Variants in SEPTIN10 observed in about 807,000 individuals in gnomAD.
The protein encoded by SEPTIN10 is septin 10.
Under a neutral mutation model 54.8 loss-of-function variants are expected in SEPTIN10, and 66 were observed. The ratio of observed to expected loss-of-function variants is 1.21; its 90% CI spans 0.99 to 1.48. SEPTIN10 has a LOEUF of 1.48. Among genes scored for constraint, SEPTIN10 ranks in the 40% most tolerant of loss-of-function variants. The probability of loss-of-function intolerance (pLI) is 0.00; values close to 1 mark genes in which losing one functional copy is unlikely to be tolerated. For missense variants in SEPTIN10, 620 were observed against 545.6 expected (o/e 1.14, Z -1.36); for synonymous variants, 161 against 181.0 (o/e 0.89, Z 0.89).
intron 5 of SEPTIN10, 138 bp downstream of exon 5, chr2:109,574,443 T>TAAAAAAA (rs55980206): frequency 7.4e-6 from 2 of 271,396 alleles, no homozygotes; most frequent in African/African-American, 3.0e-5. Context: ...ACTTTATCTC[T>TAAAAAAA]AAAAAAAAAA....
intron 8 of SEPTIN10, among the ~76,000 whole-genome samples, chr2:109,553,546 A>G (rs887291998): frequency 7.6e-5 from 11 of 144,950 alleles, no homozygotes; most frequent in Admixed American, 6.9e-4. Context: ...TCTGTCTCCA[A>G]AAAAAAAAAA....
At chr2:109,552,982 CA>C in intron 9 of SEPTIN10, 104 bp downstream of exon 9, 1 of 1,269,548 alleles carries the variant, frequency 7.9e-7, no homozygotes, top group East Asian at 2.4e-5. Flanking sequence ...CTTTAAAGAA[CA>C]AGTAGCCTAC....
chr2:109,570,408 C>G (rs1688069330), intron 5 of SEPTIN10, among the ~76,000 whole-genome samples: 1 of 152,058 alleles, frequency 6.6e-6, no homozygotes, highest in Non-Finnish European at 1.5e-5. Flanking sequence ...CAGATTCAAC[C>G]AACTGAGGAT....
intron 1 of SEPTIN10, among the ~76,000 whole-genome samples, chr2:109,598,276 T>A (rs1695751029): frequency 6.6e-6 from 1 of 151,832 alleles, no homozygotes; most frequent in Non-Finnish European, 1.5e-5. Context: ...CCACGTTGGT[T>A]AGGCTAGTCT....
At chr2:109,600,167 G>C (rs2106133199) in intron 1 of SEPTIN10, among the ~76,000 whole-genome samples, 1 of 152,298 alleles carries the variant, frequency 6.6e-6, no homozygotes, top group East Asian at 1.9e-4. Flanking sequence ...GATCCACACG[G>C]TTCTGCAGCT....
chr2:109,568,207 A>G (rs1687538047), intron 5 of SEPTIN10, among the ~76,000 whole-genome samples: 1 of 152,074 alleles, frequency 6.6e-6, no homozygotes, highest in Non-Finnish European at 1.5e-5. Context: ...ACACTACAAC[A>G]GCAGAGATGA....
At chr2:109,563,367 C>G (rs1183254556) in intron 8 of SEPTIN10, among the ~76,000 whole-genome samples, 1 of 152,184 alleles carries the variant, frequency 6.6e-6, no homozygotes, top group East Asian at 1.9e-4. Context: ...CACTCCTCCC[C>G]CTTTCTTTTG....
chr2:109,613,961 G>T lies in SEPTIN10; in HGVS notation c.-134C>A. On this transcript the variant is annotated 5_prime_UTR_variant, in exon 1 of 11. Coordinates refer to ENST00000397712, the MANE Select transcript of SEPTIN10 (RefSeq NM_144710.5). ...GAGGCTAGGCTGCCTCCGCGACGGG[G>T]AAGGGACAGGGGCGGGGCCGAGCTG... The T allele has an allele frequency of 1.7e-6, 2 of 1,160,200 alleles. No homozygotes were observed. Among genetic ancestry groups the T allele is most frequent in the Non-Finnish European group, 2.1e-6 (2 of 942,328 alleles). 71.9% of individuals were successfully genotyped at this position (1,160,200 alleles called of 1,614,324 possible).
chr2:109,552,803 G>A (rs1683317023), intron 9 of SEPTIN10: 3 of 291,426 alleles, frequency 1.0e-5, no homozygotes, highest in South Asian at 1.3e-4. Flanking sequence ...AGAAAAATGT[G>A]TGCACCCAAG....
intron 1 of SEPTIN10, among the ~76,000 whole-genome samples, chr2:109,599,868 T>G (rs1044233997): frequency 1.3e-5 from 2 of 152,216 alleles, no homozygotes; most frequent in Non-Finnish European, 2.9e-5. Flanking sequence ...CATTTCTAAT[T>G]TGTGCTGTTT....
At chr2:109,587,445 G>A (rs563804333) in intron 2 of SEPTIN10, among the ~76,000 whole-genome samples, 3 of 152,158 alleles carry the variant, frequency 2.0e-5, no homozygotes, top group African/African-American at 7.2e-5. Flanking sequence ...GAGAGAAGGT[G>A]AAAGTGGGGG....
At chr2:109,596,033 ATATT>A (rs1267294864) in intron 1 of SEPTIN10, among the ~76,000 whole-genome samples, 4 of 152,122 alleles carry the variant, frequency 2.6e-5, no homozygotes, top group Admixed American at 2.0e-4. Context: ...TTTAAGTTTA[ATATT>A]TATTTTATTT....
At chr2:109,551,031 G>T (rs1162835110) in intron 9 of SEPTIN10, among the ~76,000 whole-genome samples, 2 of 152,150 alleles carry the variant, frequency 1.3e-5, no homozygotes, top group African/African-American at 4.8e-5. Flanking sequence ...TCTTAAAGTG[G>T]GGAGGGTATA....
At chr2:109,603,422 G>A (rs1211307271) in intron 1 of SEPTIN10, among the ~76,000 whole-genome samples, 1 of 152,000 alleles carries the variant, frequency 6.6e-6, no homozygotes, top group African/African-American at 2.4e-5. Flanking sequence ...TGTATTTTTA[G>A]TAGAGATGGG....
intron 4 of SEPTIN10, among the ~76,000 whole-genome samples, chr2:109,582,777 A>G (rs921470093): frequency 2.0e-5 from 3 of 152,232 alleles, no homozygotes; most frequent in African/African-American, 7.2e-5. Flanking sequence ...ACTTCAAACT[A>G]TACTATAAGG....
At position 109,609,870 on chromosome 2, in the gene SEPTIN10, C is replaced by T. The variant is rs549930385; in HGVS notation, c.30+3928G>A. ...AGTGGAAAATTATGGCTGTGTTTCT[C>T]GGGAGATGAAAAGGCAGTCAGTGGA... On this transcript the variant is annotated intron_variant, in intron 1 of 10. Coordinates refer to ENST00000397712, the MANE Select transcript of SEPTIN10 (RefSeq NM_144710.5). Among the ~76,000 whole-genome samples, 3 of 152,050 alleles carry T rather than the reference C, an allele frequency of 2.0e-5. No individual in the cohort carries two copies. The South Asian group carries it at 6.3e-4, about 32-fold the overall frequency.
At chr2:109,570,035 A>G (rs893237599) in intron 5 of SEPTIN10, among the ~76,000 whole-genome samples, 1 of 152,156 alleles carries the variant, frequency 6.6e-6, no homozygotes. Context: ...TACAAAAAAA[A>G]AACCTGTGTA....
Position 109,574,596 on chromosome 2 carries a change from C to A in SEPTIN10, c.585G>T (p.Lys195Asn). The A allele has an allele frequency of 6.4e-7, 1 of 1,556,666 alleles. No homozygotes were observed. The highest frequency in any genetic ancestry group is 8.7e-7 in the Non-Finnish European group (1 of 1,153,730). Residue 195 changes from lysine (K) to asparagine (N), a missense_variant, in exon 5 of 11, where the codon AAG becomes AAT. Lys to Asn is a moderately conservative substitution (Grantham distance 94). Coordinates refer to ENST00000397712, the MANE Select transcript of SEPTIN10 (RefSeq NM_144710.5). ...SLKTLDLLTM[K>N]NLDSKVNIIP... ...CTCAACCCACCTTGCTGTCAAGGTT[C>A]TTCATGGTTAAGAGATCAAGTGTCT...
At position 109,544,148 on chromosome 2, in the gene SEPTIN10, C is replaced by T. The variant is rs1195219015; in HGVS notation, c.*161G>A. 1 of 1,549,130 alleles carries T rather than the reference C, an allele frequency of 6.5e-7. No homozygotes were observed. Among genetic ancestry groups the T allele is most frequent in the Admixed American group, 1.9e-5 (1 of 52,194 alleles). On this transcript the variant is annotated 3_prime_UTR_variant, in exon 11 of 11. Coordinates refer to ENST00000397712, the MANE Select transcript of SEPTIN10 (RefSeq NM_144710.5). ...CATTCACTCTGGCTTATGTATTGAC[C>T]TTGTACTTGAAAGTACTTTTCCATA...
Sources: gnomAD v4.1 joint callset for allele counts (sites outside exome capture counted in the v4.1 genomes callset) on GRCh38, gnomAD v4.1.1 for gene constraint, MANE v1.5 for transcripts, NCBI Gene and HGNC (gene_info 2026-07-23, HGNC 2026-07-21) for gene names.